RNF17: variants seen among roughly 807,000 people sequenced by gnomAD.
RNF17 encodes the protein spermatogenesis associated 23.
In RNF17, 31 loss-of-function variants were observed where a neutral mutation model predicts 200.5. The observed-to-expected ratio is 0.15, with a 90% CI of 0.12 to 0.21. RNF17 has a LOEUF of 0.21. Among genes scored for constraint, RNF17 ranks in the 10% least tolerant of loss-of-function variants. RNF17 has a pLI of 1.00. For synonymous variants in RNF17, 606 were observed against 637.8 expected (o/e 0.95, Z 0.75); for missense variants, 1,628 against 1,905.1 (o/e 0.85, Z 2.71).
In RNF17 at chr13:24,774,923, T is replaced by C; in HGVS notation, c.317+19T>C. 7.0e-7 allele frequency: 1 copy of C among 1,428,416 alleles called. No homozygotes were observed. The highest frequency in any genetic ancestry group is 1.4e-5 in the African/African-American group (1 of 70,806). 88.5% of individuals were successfully genotyped at this position (1,428,416 alleles called of 1,614,324 possible). A position where few individuals can be genotyped will look rare whatever the true frequency, so the allele number is the denominator to read the frequency against. On this transcript the variant is annotated intron_variant, in intron 3 of 35. Coordinates refer to ENST00000255324, the MANE Select transcript of RNF17 (RefSeq NM_031277.3). ...CTAAGACGTATGTTCCATGTGTACT[T>C]ATTTGAGTATTTAAAGTCAATGTGT...
intron 26 of RNF17, 152 bp downstream of exon 26, chr13:24,859,316 A>C: frequency 1.6e-6 from 1 of 621,304 alleles, no homozygotes; most frequent in East Asian, 3.2e-5. Context: ...ATTTGTAATA[A>C]TTTTTCGTTT....
the RNF17 span, chr13:24,751,653 C>T: frequency 6.6e-6 from 1 of 152,194 alleles, no homozygotes; most frequent in Non-Finnish European, 1.5e-5. Context: ...CATGAATCAA[C>T]ACACAGTTGT....
At chr13:24,877,231 G>A (rs759370446) in intron 34 of RNF17, 45 bp downstream of exon 34, 30 of 1,512,818 alleles carry the variant, frequency 2.0e-5, no homozygotes, top group Non-Finnish European at 2.6e-5. Flanking sequence ...CTATTTCTGT[G>A]TCGATACTTT....
rs1215255073 is a variant in RNF17 at position 24,788,015 on chromosome 13, A to C, written c.639A>C (p.Ala213=). The change falls in exon 7 of 36, where the codon GCA becomes GCC. Residue 213 remains alanine (A), a synonymous_variant. Transcript: ENST00000255324. ...AAAAGAACCTGTGTGAAGAATTTGC[A>C]AGAACTACTGATGATTATCTATCAA... ...SRKKNLCEEF[A]RTTDDYLSNL... is the part of the protein sequence containing the mutation. 6.4e-7 allele frequency: 1 copy of C among 1,564,448 alleles called. No individual in the cohort carries two copies. Among genetic ancestry groups the C allele is most frequent in the African/African-American group, 1.4e-5 (1 of 72,066 alleles).
chr13:24,842,658 A>G (rs1273533675), intron 19 of RNF17, among the ~76,000 whole-genome samples: 3 of 152,122 alleles, frequency 2.0e-5, no homozygotes, highest in Non-Finnish European at 4.4e-5. Flanking sequence ...AGAAGAATAG[A>G]GTGGTGGCAA....
At chr13:24,781,797 A>C (rs1180076386) in intron 5 of RNF17, 47 bp from the exon 6 acceptor site, 5 of 1,394,958 alleles carry the variant, frequency 3.6e-6, no homozygotes, top group Non-Finnish European at 4.9e-6. Context: ...CTTCTACAAA[A>C]TAAAAATTCC....
At chr13:24,827,347 T>G (rs1188194378) in intron 16 of RNF17, among the ~76,000 whole-genome samples, 1 of 152,164 alleles carries the variant, frequency 6.6e-6, no homozygotes, top group African/African-American at 2.4e-5. Context: ...ATCAAAACTA[T>G]TCTTGCAACC....
At chr13:24,797,705 A>AGTTTGTGTGTCTGTGTGT (rs59493601) in intron 11 of RNF17, among the ~76,000 whole-genome samples, 10,704 of 118,924 alleles carry the variant, frequency 0.09, 659 homozygotes, top group Middle Eastern at 0.1. Context: ...AGAGACAAAG[A>AGTTTGTGTGTCTGTGTGT]GTGTGTGTGT....
chr13:24,769,034 T>C (rs1005808377), intron 2 of RNF17, among the ~76,000 whole-genome samples: 2 of 143,180 alleles, frequency 1.4e-5, no homozygotes, highest in Non-Finnish European at 3.0e-5. Context: ...TAGACGTGGC[T>C]GGCTATGTGG....
chr13:24,836,997 G>T (rs1006315456), intron 18 of RNF17, among the ~76,000 whole-genome samples: 6 of 151,830 alleles, frequency 4.0e-5, no homozygotes, highest in African/African-American at 1.5e-4. Context: ...AACACATAAG[G>T]ACTCACATAA....
Position 24,845,032 on chromosome 13 carries a change from A to G in RNF17, c.3054A>G (p.Leu1018=), listed in dbSNP as rs893001803. ...GTTTAAGAAAACTTGAAGAAAATCT[A>G]AAGACAATGGGAAGACTCTCTTTGG... The part of the protein sequence containing the change: ...VDCLRKLEEN[L]KTMGRLSLEC... Residue 1018 remains leucine, a synonymous_variant, in exon 22 of 36, where the codon CTA becomes CTG. Coordinates refer to ENST00000255324, the MANE Select transcript of RNF17 (RefSeq NM_031277.3). 2 of 1,604,828 alleles carry G rather than the reference A, an allele frequency of 1.2e-6. No homozygotes were observed. Among genetic ancestry groups the G allele is most frequent in the Non-Finnish European group, 1.7e-6 (2 of 1,171,624 alleles).
At chr13:24,824,418 G>A (rs1888411647) in intron 15 of RNF17, 2 of 384,238 alleles carry the variant, frequency 5.2e-6, no homozygotes, top group South Asian at 2.1e-4. Flanking sequence ...GAAATAACAA[G>A]ATAAGGATTC....
At position 24,774,989 on chromosome 13, in the gene RNF17, T is replaced by G; in HGVS notation, c.317+85T>G. The G allele has an allele frequency of 6.8e-6, 6 of 885,108 alleles. 1 individual carries two copies. Among genetic ancestry groups the G allele is most frequent in the Middle Eastern group, 4.4e-4 (2 of 4,522 alleles). 54.8% of individuals were successfully genotyped at this position (885,108 alleles called of 1,614,324 possible). A position where few individuals can be genotyped will look rare whatever the true frequency, so the allele number is the denominator to read the frequency against. ...AGAATTATTGATAAAATGTCATCCT[T>G]AAGTCTGCATTTCTAACCTACTGTT... On this transcript the variant is annotated intron_variant, in intron 3 of 35. Coordinates refer to ENST00000255324, the MANE Select transcript of RNF17 (RefSeq NM_031277.3).
chr13:24,882,352 T>C (rs915975978), downstream of RNF17: 1 of 151,916 alleles, frequency 6.6e-6, no homozygotes, highest in Non-Finnish European at 1.5e-5. Context: ...CAAAACCTGA[T>C]TCATAGTATA....
At chr13:24,852,401 G>A (rs1447698250) in intron 24 of RNF17, among the ~76,000 whole-genome samples, 3 of 152,112 alleles carry the variant, frequency 2.0e-5, no homozygotes, top group African/African-American at 4.8e-5. Context: ...GCCTCCCAAA[G>A]TGCTGGGATT....
chr13:24,809,556 G>A (rs1243329011), intron 15 of RNF17, among the ~76,000 whole-genome samples: 39 of 151,890 alleles, frequency 2.6e-4, no homozygotes, highest in African/African-American at 5.8e-4. Context: ...TCTTGCTAGC[G>A]GTCTATCAAT....
chr13:24,877,071 C>G lies in RNF17; in HGVS notation c.4658C>G (p.Pro1553Arg), dbSNP rs1894940089. ...AIKVLLAGFK[P>R]PLRDLGETRI... ...AAGGTTCTCTTGGCAGGGTTTAAAC[C>G]TCCCTTAAGGGATCTAGGGGAGACA... The change falls in exon 34 of 36, where the codon CCT (proline) becomes CGT (arginine). Residue 1553 changes from proline to arginine, a missense_variant. Around this residue, in one of 5 missense-constraint regions of RNF17, gnomAD observed 609 missense variants for 681.9 expected, o/e 0.89. Coordinates refer to ENST00000255324, the MANE Select transcript of RNF17 (RefSeq NM_031277.3). 1 of 1,613,132 alleles carries G rather than the reference C, an allele frequency of 6.2e-7. No homozygotes were observed. The highest frequency in any genetic ancestry group is 1.3e-5 in the African/African-American group (1 of 74,828).
chr13:24,817,432 T>C (rs1356830570), intron 15 of RNF17, among the ~76,000 whole-genome samples: 11 of 152,152 alleles, frequency 7.2e-5, no homozygotes, highest in Non-Finnish European at 1.6e-4. Context: ...AATTTTTTAC[T>C]TCTTGGCCGG....
At chr13:24,856,645 A>T (rs115355957) in intron 25 of RNF17, among the ~76,000 whole-genome samples, 6 of 152,264 alleles carry the variant, frequency 3.9e-5, no homozygotes, top group African/African-American at 1.4e-4. Context: ...ACTGATCTGC[A>T]ATGCTAACTT....
Sources: gnomAD v4.1 joint callset for allele counts (sites outside exome capture counted in the v4.1 genomes callset) on GRCh38, gnomAD v4.1.1 for gene constraint, gnomAD v4.1.1 regional missense constraint, MANE v1.5 for transcripts, NCBI Gene and HGNC (gene_info 2026-07-23, HGNC 2026-07-21) for gene names.